RADX: variants seen among roughly 807,000 people sequenced by gnomAD.
RADX encodes RPA-related protein RADX.
A neutral mutation model predicts 61.6 loss-of-function variants in RADX; 36 were observed. That is an observed-to-expected ratio of 0.58 (90% CI 0.45 to 0.77). The LOEUF is 0.77. RADX is among the 30% of genes least tolerant of loss of function. The pLI, the probability that RADX is intolerant of heterozygous loss-of-function variation, is 0.00. For synonymous variants in RADX, 272 were observed against 237.9 expected, an observed-to-expected ratio of 1.14 and a Z score of -1.32; for missense variants, 497 against 651.1, an observed-to-expected ratio of 0.76 and a Z score of 2.58.
At chrX:106,633,055 T>C (rs1927272873) in intron 5 of RADX, 32 bp downstream of exon 5, 2 of 1,171,972 alleles carry the variant, frequency 1.7e-6, no homozygotes, top group East Asian at 3.0e-5. Context: ...TCATAAAAAG[T>C]ATTTCAGTGA....
chrX:106,670,624 A>G (rs993933502), intron 13 of RADX, among the ~76,000 whole-genome samples: 1 of 108,373 alleles, frequency 9.2e-6, no homozygotes, highest in African/African-American at 3.4e-5. Flanking sequence ...ATGACATAGC[A>G]TTAATAATAA....
intron 10 of RADX, among the ~76,000 whole-genome samples, chrX:106,644,870 G>T (rs1834677): frequency 0.039 from 4,272 of 110,793 alleles, 111 homozygotes; most frequent in East Asian, 0.15. Context: ...ATGTTTGGTA[G>T]AATTCATCAG....
intron 3 of RADX, among the ~76,000 whole-genome samples, chrX:106,625,616 T>C (rs1404677360): frequency 8.9e-6 from 1 of 111,909 alleles, no homozygotes; most frequent in Non-Finnish European, 1.9e-5. Context: ...GTAGGTGCTA[T>C]CTAAAAAGAA....
rs769142651 is a variant in RADX at position 106,640,646 on chromosome X, A to G, written c.1829A>G (p.Gln610Arg). 8 of 1,193,431 alleles carry G rather than the reference A, an allele frequency of 6.7e-6. No individual in the cohort carries two copies. The highest frequency in any genetic ancestry group is 9.1e-6 in the Non-Finnish European group (8 of 881,564). ...RHQDDEPVNS[Q>R]YFQTTSTNLS... ...CAAGATGATGAGCCTGTGAATTCTC[A>G]GTATTTCCAAACTACATCTACAAAT... Residue 610 changes from glutamine to arginine, a missense_variant, in exon 10 of 14, where the codon CAG becomes CGG. Coordinates refer to ENST00000372548, the MANE Select transcript of RADX (RefSeq NM_018015.6).
intron 3 of RADX, among the ~76,000 whole-genome samples, chrX:106,631,090 C>T (rs1215575349): frequency 9.0e-6 from 1 of 111,115 alleles, no homozygotes; most frequent in African/African-American, 3.3e-5. Context: ...TGTGTAAGAC[C>T]TGTGTGGAGA....
At chrX:106,661,657 A>G (rs1456934517) in intron 11 of RADX, among the ~76,000 whole-genome samples, 1 of 111,468 alleles carries the variant, frequency 9.0e-6, no homozygotes, top group Non-Finnish European at 1.9e-5. Context: ...ATCTCTAATC[A>G]TGAATTTAAT....
At chrX:106,636,789 A>G in intron 7 of RADX, 142 bp downstream of exon 7, 1 of 326,096 alleles carries the variant, frequency 3.1e-6, no homozygotes, top group Non-Finnish European at 5.2e-6. Flanking sequence ...AGAGTGTTTT[A>G]GCAAAGAATT....
chrX:106,670,010 A>C (rs1016463734), intron 13 of RADX, among the ~76,000 whole-genome samples: 1 of 111,723 alleles, frequency 9.0e-6, no homozygotes, highest in Non-Finnish European at 1.9e-5. Flanking sequence ...AATGGCTTTT[A>C]AGAAAGGCCT....
intron 6 of RADX, among the ~76,000 whole-genome samples, chrX:106,635,423 T>C (rs1927335939): frequency 1.8e-5 from 2 of 111,674 alleles, no homozygotes; most frequent in Admixed American, 1.9e-4. Flanking sequence ...ATTTTATTGT[T>C]GTAAGAACAC....
intron 9 of RADX, 100 bp from the exon 10 acceptor site, chrX:106,640,452 C>T: frequency 1.8e-6 from 1 of 542,485 alleles, no homozygotes; most frequent in Non-Finnish European, 2.9e-6. Context: ...TTTGCCAGAA[C>T]TGTTGATTAT....
chrX:106,633,085 T>A (rs752223373), intron 5 of RADX, 45 bp from the exon 6 acceptor site: 30 of 1,156,923 alleles, frequency 2.6e-5, no homozygotes, highest in Non-Finnish European at 3.4e-5. Context: ...TGTTCATATG[T>A]ATATAACAGT....
chrX:106,674,302 C>T (rs970187893), intron 13 of RADX, among the ~76,000 whole-genome samples: 1 of 111,548 alleles, frequency 9.0e-6, no homozygotes, highest in African/African-American at 3.3e-5. Flanking sequence ...TGGATACATA[C>T]CCAGTAGTGG....
chrX:106,672,611 G>T (rs764279584), intron 13 of RADX, among the ~76,000 whole-genome samples: 13 of 111,562 alleles, frequency 1.2e-4, no homozygotes, highest in African/African-American at 3.6e-4. Context: ...CTGGCCCAAG[G>T]CCTGCTGTAA....
At chrX:106,656,114 ATTCT>A (rs1645992080) in intron 11 of RADX, among the ~76,000 whole-genome samples, 1 of 112,043 alleles carries the variant, frequency 8.9e-6, no homozygotes, top group African/African-American at 3.2e-5. Flanking sequence ...AATATTCTAA[ATTCT>A]TTATTTTCAT....
At chrX:106,619,624 C>A (rs1926895221) in intron 1 of RADX, among the ~76,000 whole-genome samples, 1 of 111,486 alleles carries the variant, frequency 9.0e-6, no homozygotes, top group African/African-American at 3.3e-5. Context: ...CGGTTAAGGA[C>A]CTAGTTTGGT....
chrX:106,646,125 C>T (rs1417791340), intron 10 of RADX, among the ~76,000 whole-genome samples: 3 of 110,860 alleles, frequency 2.7e-5, no homozygotes, highest in Admixed American at 1.9e-4. Context: ...GATAGCTACT[C>T]CTACGGTTTT....
At chrX:106,655,535 C>T (rs1293179466) in intron 11 of RADX, among the ~76,000 whole-genome samples, 2 of 108,726 alleles carry the variant, frequency 1.8e-5, no homozygotes, top group African/African-American at 6.7e-5. Context: ...TGTTCCCTAC[C>T]CTGTGTCCAA....
At chrX:106,655,691 A>G (rs1288787056) in intron 11 of RADX, among the ~76,000 whole-genome samples, 2 of 111,193 alleles carry the variant, frequency 1.8e-5, no homozygotes, top group Non-Finnish European at 3.8e-5. Flanking sequence ...TTATGGCTAC[A>G]TAGTATTCCA....
chrX:106,659,970 T>A (rs1178741682), intron 11 of RADX, among the ~76,000 whole-genome samples: 1 of 112,075 alleles, frequency 8.9e-6, no homozygotes, highest in Non-Finnish European at 1.9e-5. Flanking sequence ...ACTTAATTTT[T>A]AAAAATTAGA....
Sources: allele counts gnomAD v4.1 joint callset (sites outside exome capture counted in the v4.1 genomes callset), GRCh38; gene constraint gnomAD v4.1.1; transcripts MANE v1.5; gene names NCBI Gene and HGNC (gene_info 2026-07-23, HGNC 2026-07-21).